AFAP1: variants seen among roughly 807,000 people sequenced by gnomAD.
The protein encoded by AFAP1 is actin filament associated protein 1.
A neutral mutation model predicts 93.9 loss-of-function variants in AFAP1; 75 were observed. The observed-to-expected ratio is 0.80, with a 90% confidence interval of 0.66 to 0.97. AFAP1 has a LOEUF of 0.97. Among genes scored for constraint, AFAP1 ranks in the 50% least tolerant of loss-of-function variants. AFAP1 has a pLI of 0.00. For missense variants in AFAP1, 1,201 were observed against 1,050.8 expected (o/e 1.14, Z -1.98); for synonymous variants, 517 against 430.7 (o/e 1.20, Z -2.48).
chr4:7,905,780 A>G (rs1414293450), intron 1 of AFAP1, among the ~76,000 whole-genome samples: 3 of 152,192 alleles, frequency 2.0e-5, no homozygotes, highest in Admixed American at 6.5e-5. Context: ...AGATGATACA[A>G]TCACAACCTT....
intron 2 of AFAP1, 70 bp downstream of exon 2, chr4:7,871,882 G>C (rs1205645625): frequency 6.5e-7 from 1 of 1,540,466 alleles, no homozygotes; most frequent in Non-Finnish European, 8.8e-7. Context: ...TAGAAAGGTG[G>C]TAAAATTAAA....
intron 17 of AFAP1, among the ~76,000 whole-genome samples, chr4:7,766,938 C>A (rs1017255478): frequency 6.6e-6 from 1 of 152,028 alleles, no homozygotes; most frequent in Non-Finnish European, 1.5e-5. Context: ...AATACCGCAG[C>A]GGGCATAGCG....
intron 6 of AFAP1, among the ~76,000 whole-genome samples, chr4:7,830,373 A>C (rs7682202): frequency 1.3e-5 from 2 of 151,986 alleles, no homozygotes; most frequent in Non-Finnish European, 2.9e-5. Context: ...AGAGAAGACA[A>C]GAAACGCGAG....
rs59020384 is a variant in AFAP1, at chr4:7,793,398, G to A, written c.1412+283C>T. On this transcript the variant is annotated intron_variant, in intron 11 of 17. Transcript: ENST00000420658. ...TTTATGTACGGTGTCCAGCTGCAGC[G>A]GGAGCTGAGTGGTTATTAACAGGAA... Among the ~76,000 whole-genome samples the A allele has an allele frequency of 2.4e-3, 367 of 152,276 alleles. 2 individuals carry two copies. Among genetic ancestry groups the A allele is most frequent in the African/African-American group, 8.5e-3 (353 of 41,550 alleles).
intron 12 of AFAP1, among the ~76,000 whole-genome samples, chr4:7,783,344 T>G (rs1716958346): frequency 6.6e-6 from 1 of 152,208 alleles, no homozygotes; most frequent in African/African-American, 2.4e-5. Context: ...TTCACCATGT[T>G]GGCCAGGCTG....
intron 8 of AFAP1, among the ~76,000 whole-genome samples, chr4:7,813,175 G>A (rs539588388): frequency 4.1e-4 from 62 of 152,222 alleles, no homozygotes; most frequent in African/African-American, 1.3e-3. Flanking sequence ...TATGCAGCCC[G>A]CAGAGAAATG....
chr4:7,922,134 G>C, intron 1 of AFAP1, among the ~76,000 whole-genome samples: 1 of 152,118 alleles, frequency 6.6e-6, no homozygotes, highest in East Asian at 1.9e-4. Flanking sequence ...AAAAAAACTG[G>C]CAACAGTGGT....
chr4:7,852,866 C>T (rs1714610695), intron 4 of AFAP1, among the ~76,000 whole-genome samples: 1 of 152,166 alleles, frequency 6.6e-6, no homozygotes, highest in South Asian at 2.1e-4. Flanking sequence ...AGGAGTCAAC[C>T]TTGTATGAAT....
At chr4:7,795,219 A>G (rs1401395135) in intron 10 of AFAP1, among the ~76,000 whole-genome samples, 1 of 152,142 alleles carries the variant, frequency 6.6e-6, no homozygotes, top group Non-Finnish European at 1.5e-5. Flanking sequence ...ACAAATCATT[A>G]CTAACCATAT....
At chr4:7,807,923 G>C (rs1483162078) in intron 9 of AFAP1, among the ~76,000 whole-genome samples, 2 of 152,172 alleles carry the variant, frequency 1.3e-5, no homozygotes, top group Admixed American at 6.5e-5. Flanking sequence ...TGTGGCATGA[G>C]CCCACACCGC....
chr4:7,766,636 G>C (rs886950645), intron 17 of AFAP1, among the ~76,000 whole-genome samples: 39 of 147,972 alleles, frequency 2.6e-4, no homozygotes, highest in African/African-American at 9.0e-4. Context: ...GTCACGAGAG[G>C]GTAACAGAAT....
At chr4:7,859,404 G>A (rs1715426559) in intron 3 of AFAP1, among the ~76,000 whole-genome samples, 1 of 152,042 alleles carries the variant, frequency 6.6e-6, no homozygotes, top group African/African-American at 2.4e-5. Context: ...GGGCAACAGA[G>A]CAAGACTCTG....
At chr4:7,891,774 C>G (rs1185262318) in intron 1 of AFAP1, among the ~76,000 whole-genome samples, 1 of 132,476 alleles carries the variant, frequency 7.5e-6, no homozygotes, top group Non-Finnish European at 1.6e-5. Context: ...AAAGGCCGGG[C>G]GTGGTGGCTT....
intron 1 of AFAP1, among the ~76,000 whole-genome samples, chr4:7,887,835 T>C (rs1003029723): frequency 6.6e-6 from 1 of 152,098 alleles, no homozygotes; most frequent in Non-Finnish European, 1.5e-5. Context: ...AGAACAATTT[T>C]TTTTTTTTTG....
Position 7,939,212 on chromosome 4 carries a change from G to A in AFAP1, c.-3+444C>T, listed in dbSNP as rs1197813717. ...CCCATCCAGAGTCACGGACCCCCTC[G>A]TCCGAGGGTCCGCGCAGTCCCCTCG... On this transcript the variant is annotated intron_variant, in intron 1 of 17. Coordinates refer to ENST00000420658, the MANE Select transcript of AFAP1 (RefSeq NM_001134647.2). This position sits in a 1 kb window ranked among gnomAD's most constrained non-coding sequence, Gnocchi z 5.6. The A allele has an allele frequency of 8.9e-6, 2 of 225,120 alleles. No homozygotes were observed. Among genetic ancestry groups the A allele is most frequent in the Non-Finnish European group, 9.2e-6 (1 of 108,682 alleles). The allele number at this position is 225,120 out of a possible 1,614,324, so 13.9% of individuals were successfully genotyped here.
rs115796272 is a variant in AFAP1 at position 7,937,492 on chromosome 4, C to T, written c.-3+2164G>A. Among the ~76,000 whole-genome samples the T allele has an allele frequency of 7.3e-3, 1,118 of 152,240 alleles. 12 individuals are homozygous for T. Among genetic ancestry groups the T allele is most frequent in the African/African-American group, 0.026 (1,063 of 41,554 alleles). ...CGGACGTAGACCCAGTACATTGTTT[C>T]TGTTTTTATTTTGAGACGAAGTCTT... On this transcript the variant is annotated intron_variant, in intron 1 of 17. Coordinates refer to ENST00000420658, the MANE Select transcript of AFAP1 (RefSeq NM_001134647.2).
intron 15 of AFAP1, chr4:7,774,485 C>G: frequency 2.1e-6 from 1 of 484,722 alleles, no homozygotes; most frequent in South Asian, 3.4e-5. Context: ...CCCCCAGCAC[C>G]TCCCCTGCCT....
At position 7,758,912 on chromosome 4, in the gene AFAP1, T is replaced by C. The variant is rs1200150459; in HGVS notation, c.*4853A>G. 6.6e-6 allele frequency: 1 copy of C among 152,246 alleles called. No homozygotes were observed. Among genetic ancestry groups the C allele is most frequent in the African/African-American group, 2.4e-5 (1 of 41,466 alleles). The allele number at this position is 152,246 out of a possible 1,614,324, so 9.4% of individuals were successfully genotyped here. ...TAAAATTTTTACTTTATGAATTAAA[T>C]ACATTGAGAAACAGTGAAAATATAT... On this transcript the variant is annotated 3_prime_UTR_variant, in exon 18 of 18. Coordinates refer to ENST00000420658, the MANE Select transcript of AFAP1 (RefSeq NM_001134647.2).
At chr4:7,856,532 A>G (rs914984370) in intron 3 of AFAP1, among the ~76,000 whole-genome samples, 2 of 152,176 alleles carry the variant, frequency 1.3e-5, no homozygotes, top group Non-Finnish European at 2.9e-5. Flanking sequence ...CAGCCACCGC[A>G]CCTGGCCCAT....
Sources: gnomAD v4.1 joint callset for allele counts (sites outside exome capture counted in the v4.1 genomes callset) on GRCh38, gnomAD v4.1.1 for gene constraint, Gnocchi (gnomAD v3.1) non-coding constraint, MANE v1.5 for transcripts, NCBI Gene and HGNC (gene_info 2026-07-23, HGNC 2026-07-21) for gene names.